EREG: variants seen among roughly 807,000 people sequenced by gnomAD.
EREG encodes the protein epiregulin, also known as proepiregulin.
EREG carries 23 observed loss-of-function variants against 22.4 expected under a neutral mutation model. The ratio of observed to expected loss-of-function variants is 1.03; its 90% CI spans 0.74 to 1.46. The LOEUF is 1.46. Among genes scored for constraint, EREG ranks in the 40% most tolerant of loss-of-function variants. EREG has a pLI of 0.00. For missense variants in EREG, 226 were observed against 205.9 expected (o/e 1.10, Z -0.60); for synonymous variants, 100 against 75.4 (o/e 1.33, Z -1.69).
At chr4:74,373,985 G>A (rs58908667) in intron 1 of EREG, among the ~76,000 whole-genome samples, 1,985 of 152,208 alleles carry the variant, frequency 0.013, 45 homozygotes, top group African/African-American at 0.046. Context: ...AGCCTATTAC[G>A]TTATAGACAA....
chr4:74,384,837 T>C lies in EREG; in HGVS notation c.*29T>C. The C allele has an allele frequency of 7.3e-7, 1 of 1,374,736 alleles. No homozygotes were observed. The highest frequency in any genetic ancestry group is 1.2e-5 in the South Asian group (1 of 84,462). The allele number at this position is 1,374,736 out of a possible 1,614,324, so 85.2% of individuals were successfully genotyped here. A position where few individuals can be genotyped will look rare whatever the true frequency, so the allele number is the denominator to read the frequency against. ...GCGCCATCAAACTTATGGGCAGGGA[T>C]AACAGTGTGCCTGGTTAATATTAAT... On this transcript the variant is annotated 3_prime_UTR_variant, in exon 5 of 5. Transcript: ENST00000244869.
intron 1 of EREG, among the ~76,000 whole-genome samples, chr4:74,367,048 A>G (rs552139125): frequency 7.2e-5 from 11 of 152,308 alleles, no homozygotes; most frequent in Non-Finnish European, 8.8e-5. Flanking sequence ...TCCTAAAAAT[A>G]CTTTTCCCAA....
chr4:74,374,204 T>C (rs759688832), intron 1 of EREG, among the ~76,000 whole-genome samples: 109 of 152,224 alleles, frequency 7.2e-4, no homozygotes, highest in Non-Finnish European at 1.2e-3. Flanking sequence ...TTTTATTCTG[T>C]AATCTATCTG....
At chr4:74,380,583 A>C (rs1351874590) in intron 2 of EREG, among the ~76,000 whole-genome samples, 4 of 152,196 alleles carry the variant, frequency 2.6e-5, no homozygotes, top group African/African-American at 9.7e-5. Flanking sequence ...CTGTAGAATT[A>C]AGCTCCTTTG....
intron 1 of EREG, 105 bp downstream of exon 1, chr4:74,365,480 A>C (rs997432161): frequency 2.9e-6 from 2 of 687,448 alleles, no homozygotes; most frequent in South Asian, 1.7e-5. Flanking sequence ...TCCAGGTTCA[A>C]GTGTGCTCTA....
At chr4:74,378,854 G>A (rs1382776098) in intron 1 of EREG, among the ~76,000 whole-genome samples, 4 of 152,108 alleles carry the variant, frequency 2.6e-5, no homozygotes, top group Admixed American at 6.5e-5. Flanking sequence ...GGATTCTAGG[G>A]CTCAGTATGG....
Position 74,382,581 on chromosome 4 carries a change from T to C in EREG, c.279-64T>C, listed in dbSNP as rs181552560. ...AGTGTGATGTTAGTCCTTATAAAAC[T>C]AATTCATAACCATGATTTCCTTTTT... is the stretch of plus-strand genomic sequence containing the variant. On this transcript the variant is annotated intron_variant, in intron 3 of 4. Coordinates refer to ENST00000244869, the MANE Select transcript of EREG (RefSeq NM_001432.3). 2.4e-4 allele frequency: 325 copies of C among 1,349,390 alleles called. No homozygotes were observed. The African/African-American group carries it at 3.0e-3, about 13-fold the overall frequency. The allele number at this position is 1,349,390 out of a possible 1,614,324, so 83.6% of individuals were successfully genotyped here. A position where few individuals can be genotyped will look rare whatever the true frequency, so the allele number is the denominator to read the frequency against.
At chr4:74,375,031 C>G (rs1228292800) in intron 1 of EREG, among the ~76,000 whole-genome samples, 1 of 152,090 alleles carries the variant, frequency 6.6e-6, no homozygotes, top group Non-Finnish European at 1.5e-5. Context: ...TCCTCTGTAT[C>G]TTAGTTACCA....
At chr4:74,384,683 C>A in intron 4 of EREG, 44 bp from the exon 5 acceptor site, 1 of 1,110,540 alleles carries the variant, frequency 9.0e-7, no homozygotes, top group Non-Finnish European at 1.4e-6. Context: ...TGTTCCTTTG[C>A]TATTAACTGC....
At chr4:74,382,268 A>C (rs1436098289) in intron 3 of EREG, among the ~76,000 whole-genome samples, 1 of 152,010 alleles carries the variant, frequency 6.6e-6, no homozygotes, top group East Asian at 1.9e-4. Flanking sequence ...CACCACTGCT[A>C]TCCAGCCTGG....
At position 74,387,039 on chromosome 4, in the gene EREG, A is replaced by G. The variant is rs1560601250; in HGVS notation, c.*2231A>G. The G allele has an allele frequency of 6.6e-6, 1 of 152,186 alleles. No homozygotes were observed. The highest frequency in any genetic ancestry group is 2.4e-5 in the African/African-American group (1 of 41,418). The allele number at this position is 152,186 out of a possible 1,614,324, so 9.4% of individuals were successfully genotyped here. On this transcript the variant is annotated 3_prime_UTR_variant, in exon 5 of 5. Transcript: ENST00000244869. ...CTCCTAACCTTGAGATCCACCCTCC[A>G]CAGCCTCCCAAACTGCTGGGATTAC... is the stretch of plus-strand genomic sequence containing the variant.
chr4:74,375,786 G>C (rs879592724), intron 1 of EREG, among the ~76,000 whole-genome samples: 2 of 152,178 alleles, frequency 1.3e-5, no homozygotes, highest in Non-Finnish European at 2.9e-5. Context: ...CTATTTTAAA[G>C]CAATAGTGCT....
chr4:74,380,822 T>C (rs926053361), intron 2 of EREG, among the ~76,000 whole-genome samples, 192 bp from the exon 3 acceptor site: 3 of 152,226 alleles, frequency 2.0e-5, no homozygotes, highest in African/African-American at 7.2e-5. Flanking sequence ...CATTTTCCTT[T>C]GGATTCAAGT....
At position 74,385,091 on chromosome 4, in the gene EREG, C is replaced by T; in HGVS notation, c.*283C>T. 1 of 292,462 alleles carries T rather than the reference C, an allele frequency of 3.4e-6. No homozygotes were observed. 18.1% of individuals were successfully genotyped at this position (292,462 alleles called of 1,614,324 possible). On this transcript the variant is annotated 3_prime_UTR_variant, in exon 5 of 5. Transcript: ENST00000244869. ...AGCTTCAAAGTTTATATGCCTGGTGCACAGTGCTTAGAAGTAAGCAATTCC... is the reference window on the plus strand; with the variant it reads ...AGCTTCAAAGTTTATATGCCTGGTGTACAGTGCTTAGAAGTAAGCAATTCC...
intron 3 of EREG, among the ~76,000 whole-genome samples, chr4:74,382,256 C>G (rs1752491713): frequency 6.6e-6 from 1 of 152,086 alleles, no homozygotes; most frequent in Admixed American, 6.5e-5. Context: ...GCCGAGAGAT[C>G]ACACCACTGC....
chr4:74,374,367 T>C (rs1752343176), intron 1 of EREG, among the ~76,000 whole-genome samples: 1 of 152,100 alleles, frequency 6.6e-6, no homozygotes, highest in Non-Finnish European at 1.5e-5. Flanking sequence ...GAGCCCTCAG[T>C]GCAATCCTTA....
At position 74,379,476 on chromosome 4, in the gene EREG, T is replaced by C. The variant is rs1752438617; in HGVS notation, c.96T>C (p.Ser32=). The change falls in exon 2 of 5, where the codon AGT becomes AGC. Residue 32 remains serine (S), a synonymous_variant. Coordinates refer to ENST00000244869, the MANE Select transcript of EREG (RefSeq NM_001432.3). ...LGFHLLQAVL[S]TTVIPSCIPG... ...TCCATCTTCTACAGGCAGTCCTCAG[T>C]ACAACTGTGATTCCATCATGTATCC... 6.2e-7 allele frequency: 1 copy of C among 1,611,718 alleles called. No individual in the cohort carries two copies. Among genetic ancestry groups the C allele is most frequent in the Non-Finnish European group, 8.5e-7 (1 of 1,177,836 alleles).
rs1752150197 is a variant in EREG at position 74,365,190 on chromosome 4, G to GT, written c.-118dup. ...GTCAGAGGGACACAGCCAACGTGGG[G>GT]TCCCTTCTAGGCTGACAGCCGCTCT... On this transcript the variant is annotated 5_prime_UTR_variant, in exon 1 of 5. Coordinates refer to ENST00000244869, the MANE Select transcript of EREG (RefSeq NM_001432.3). 4 of 730,974 alleles carry GT rather than the reference G, an allele frequency of 5.5e-6. No homozygotes were observed. The highest frequency in any genetic ancestry group is 9.4e-6 in the Non-Finnish European group (4 of 424,956). The allele number at this position is 730,974 out of a possible 1,614,324, so 45.3% of individuals were successfully genotyped here.
chr4:74,378,234 T>C (rs1473851173), intron 1 of EREG, among the ~76,000 whole-genome samples: 1 of 152,062 alleles, frequency 6.6e-6, no homozygotes, highest in Non-Finnish European at 1.5e-5. Context: ...TACATTTACC[T>C]AGCTGCCTAT....
Sources: allele counts gnomAD v4.1 joint callset (sites outside exome capture counted in the v4.1 genomes callset), GRCh38; gene constraint gnomAD v4.1.1; transcripts MANE v1.5; gene names NCBI Gene and HGNC (gene_info 2026-07-23, HGNC 2026-07-21).